The following MSRB3 variants were observed in gnomAD, a reference collection of about 807,000 sequenced individuals.
MSRB3 encodes the protein methionine-R-sulfoxide reductase B3.
MSRB3 carries 13 observed loss-of-function variants against 21.0 expected under a neutral mutation model. The observed-to-expected ratio is 0.62, with a 90% CI of 0.40 to 0.98. The LOEUF (loss-of-function observed/expected upper bound fraction) is 0.98, where lower values mean the gene tolerates loss of function less well. Ranked by LOEUF, MSRB3 falls within the 50% of genes least tolerant of loss-of-function variation. The pLI is 0.00. For synonymous variants in MSRB3, 87 were observed against 88.6 expected (o/e 0.98, Z 0.10); for missense variants, 199 against 230.3 (o/e 0.86, Z 0.88).
At chr12:65,457,816 G>A (rs891927114) in intron 6 of MSRB3, among the ~76,000 whole-genome samples, 19 of 151,274 alleles carry the variant, frequency 1.3e-4, no homozygotes, top group Non-Finnish European at 2.5e-4. Flanking sequence ...CTCAAAAGAA[G>A]ACATTTATGC....
At chr12:65,381,631 T>A (rs1194851054) in intron 5 of MSRB3, among the ~76,000 whole-genome samples, 5 of 152,154 alleles carry the variant, frequency 3.3e-5, no homozygotes, top group Non-Finnish European at 2.9e-5. Flanking sequence ...TATGTCTTGA[T>A]AAATTTTTCT....
rs544149144 is a variant in MSRB3 at position 65,354,085 on chromosome 12, C to G, written c.264-14913C>G. Among the ~76,000 whole-genome samples the G allele has an allele frequency of 8.6e-5, 13 of 152,036 alleles. No homozygotes were observed. The East Asian group carries it at 1.9e-3, about 23-fold the overall frequency. On this transcript the variant is annotated intron_variant, in intron 4 of 6. Coordinates refer to ENST00000308259, the MANE Select transcript of MSRB3 (RefSeq NM_001031679.3). ...CTCTTCTGGCTTGTAGAGTTTCTGC[C>G]GAGAGATCAGCTGTTAGTCTGATGG...
intron 5 of MSRB3, among the ~76,000 whole-genome samples, chr12:65,370,778 A>G (rs1878275329): frequency 6.6e-6 from 1 of 152,170 alleles, no homozygotes; most frequent in Non-Finnish European, 1.5e-5. Context: ...ATCATGGACA[A>G]CATCTGCATG....
intron 5 of MSRB3, among the ~76,000 whole-genome samples, chr12:65,421,330 T>C (rs911917687): frequency 6.6e-6 from 1 of 152,190 alleles, no homozygotes; most frequent in African/African-American, 2.4e-5. Context: ...TTCTTGTACA[T>C]TTGTTTAAGT....
chr12:65,386,233 A>T (rs11175741), intron 5 of MSRB3, among the ~76,000 whole-genome samples: 57,763 of 151,650 alleles, frequency 0.38, 11,505 homozygotes, highest in South Asian at 0.57. Context: ...TTCTTTCAGA[A>T]ATGGTTCTAG....
At chr12:65,297,227 G>C (rs1042333548) in intron 1 of MSRB3, among the ~76,000 whole-genome samples, 2 of 152,012 alleles carry the variant, frequency 1.3e-5, no homozygotes, top group African/African-American at 2.4e-5. Flanking sequence ...TGGAGGGTGG[G>C]GTGAGGGGAG....
chr12:65,391,709 A>G (rs1347524009), intron 5 of MSRB3, among the ~76,000 whole-genome samples: 1 of 152,214 alleles, frequency 6.6e-6, no homozygotes, highest in Non-Finnish European at 1.5e-5. Flanking sequence ...AACATAACAG[A>G]AAAATTAGAT....
intron 1 of MSRB3, among the ~76,000 whole-genome samples, chr12:65,282,622 A>G (rs1872096733): frequency 6.6e-6 from 1 of 152,106 alleles, no homozygotes; most frequent in Non-Finnish European, 1.5e-5. Flanking sequence ...GGGACTGGAA[A>G]AATCTAGAAC....
At chr12:65,444,628 C>T (rs1179660824) in intron 5 of MSRB3, among the ~76,000 whole-genome samples, 1 of 152,098 alleles carries the variant, frequency 6.6e-6, no homozygotes, top group African/African-American at 2.4e-5. Context: ...TGTAGCCTTC[C>T]TTCCCTGCAG....
At chr12:65,357,007 T>G (rs1877423147) in intron 4 of MSRB3, among the ~76,000 whole-genome samples, 1 of 151,892 alleles carries the variant, frequency 6.6e-6, no homozygotes, top group Non-Finnish European at 1.5e-5. Flanking sequence ...CAGCTTGAAG[T>G]TTTCTTATTG....
At chr12:65,399,071 G>A (rs902731684) in intron 5 of MSRB3, among the ~76,000 whole-genome samples, 2 of 152,140 alleles carry the variant, frequency 1.3e-5, no homozygotes, top group African/African-American at 4.8e-5. Context: ...TTTTGCTTAG[G>A]ATTGTCTTGG....
chr12:65,453,766 A>T lies in MSRB3; in HGVS notation c.331A>T (p.Ile111Phe). Residue 111 changes from isoleucine to phenylalanine, a missense_variant, in exon 6 of 7, where the codon ATC becomes TTC. By Grantham distance (21) the Ile-to-Phe change is conservative. Coordinates refer to ENST00000308259, the MANE Select transcript of MSRB3 (RefSeq NM_001031679.3). Reference sequence around the variant, plus strand: ...CCACGATGTGATCAATTCTGAGGCAATCACATTCACAGATGACTTTTCCTA... The same window carrying T: ...CCACGATGTGATCAATTCTGAGGCATTCACATTCACAGATGACTTTTCCTA... ...SFHDVINSEA[I>F]TFTDDFSYGM... The T allele has an allele frequency of 6.2e-7, 1 of 1,614,112 alleles. No individual in the cohort carries two copies.
chr12:65,352,875 A>T (rs1877114405), intron 4 of MSRB3, among the ~76,000 whole-genome samples: 2 of 151,696 alleles, frequency 1.3e-5, no homozygotes, highest in Admixed American at 6.6e-5. Context: ...ATATCGTGAA[A>T]ATGGCCATAC....
intron 5 of MSRB3, among the ~76,000 whole-genome samples, chr12:65,450,783 T>G (rs1260091267): frequency 6.6e-6 from 1 of 152,186 alleles, no homozygotes; most frequent in Admixed American, 6.6e-5. Flanking sequence ...TGAAGCACTT[T>G]CCTTATTATT....
At chr12:65,414,992 T>A (rs1231667299) in intron 5 of MSRB3, among the ~76,000 whole-genome samples, 1 of 151,932 alleles carries the variant, frequency 6.6e-6, no homozygotes, top group Non-Finnish European at 1.5e-5. Flanking sequence ...AATTTGAGAG[T>A]CATAAGATAT....
intron 6 of MSRB3, among the ~76,000 whole-genome samples, chr12:65,455,436 A>ATTGGACAGG (rs1883044496): frequency 6.6e-6 from 1 of 152,142 alleles, no homozygotes; most frequent in Non-Finnish European, 1.5e-5. Context: ...GTCTAATGTA[A>ATTGGACAGG]TTGGACAGGT....
chr12:65,354,575 T>C lies in MSRB3; in HGVS notation c.264-14423T>C, dbSNP rs190327484. Among the ~76,000 whole-genome samples the C allele has an allele frequency of 9.9e-5, 15 of 152,102 alleles. 1 individual carries two copies. The East Asian group carries it at 2.7e-3, about 28-fold the overall frequency. ...TCTCTTGCCATGGTTTTCAGCTCCA[T>C]CAGGTCCTTTAAGGACTTCTCGGCA... On this transcript the variant is annotated intron_variant, in intron 4 of 6. Coordinates refer to ENST00000308259, the MANE Select transcript of MSRB3 (RefSeq NM_001031679.3).
At chr12:65,339,977 CT>C in intron 4 of MSRB3, among the ~76,000 whole-genome samples, 1 of 152,284 alleles carries the variant, frequency 6.6e-6, no homozygotes, top group Middle Eastern at 3.4e-3. Flanking sequence ...TGCACAAAGC[CT>C]GGCATTCATA....
At position 65,381,698 on chromosome 12, in the gene MSRB3, A is replaced by AT. The variant is rs1268089658; in HGVS notation, c.292+12677dup. Reference sequence around the variant, plus strand: ...GAACATTTTATAAGAGGTTCTTTTGATTTTTCATTAATTTCCCAGGATAGG... The same window carrying AT: ...GAACATTTTATAAGAGGTTCTTTTGATTTTTTCATTAATTTCCCAGGATAGG... On this transcript the variant is annotated intron_variant, in intron 5 of 6. Coordinates refer to ENST00000308259, the MANE Select transcript of MSRB3 (RefSeq NM_001031679.3). 5.3e-5 allele frequency among the ~76,000 whole-genome samples: 8 copies of AT among 151,974 alleles called. 1 individual carries two copies. In the East Asian group the frequency reaches 1.4e-3, roughly 26 times the overall value.
Sources: allele counts gnomAD v4.1 joint callset (sites outside exome capture counted in the v4.1 genomes callset), GRCh38; gene constraint gnomAD v4.1.1; transcripts MANE v1.5; gene names NCBI Gene and HGNC (gene_info 2026-07-23, HGNC 2026-07-21).